Variants in XPO4 observed in about 807,000 individuals in gnomAD.
XPO4 encodes the protein exportin 4.
A neutral mutation model predicts 143.0 loss-of-function variants in XPO4; 39 were observed. The ratio of observed to expected loss-of-function variants is 0.27; its 90% CI spans 0.21 to 0.36. XPO4 has a LOEUF of 0.36. Among genes scored for constraint, XPO4 ranks in the 10% least tolerant of loss-of-function variants. The pLI is 1.00. For missense variants in XPO4, 907 were observed against 1,348.0 expected (o/e 0.67, Z 5.12); for synonymous variants, 439 against 474.0 (o/e 0.93, Z 0.96).
intron 1 of XPO4, among the ~76,000 whole-genome samples, chr13:20,894,041 CA>C (rs2060544591): frequency 6.6e-6 from 1 of 152,066 alleles, no homozygotes; most frequent in African/African-American, 2.4e-5. Context: ...AGGGTTTCTC[CA>C]TGTTGGTCAG....
At chr13:20,815,141 C>T (rs1357876432) in intron 9 of XPO4, among the ~76,000 whole-genome samples, 1 of 152,114 alleles carries the variant, frequency 6.6e-6, no homozygotes. Flanking sequence ...GGCGAAAGAT[C>T]AGTGGTTGCC....
At chr13:20,839,030 G>A (rs576356351) in intron 6 of XPO4, among the ~76,000 whole-genome samples, 3 of 152,260 alleles carry the variant, frequency 2.0e-5, no homozygotes, top group South Asian at 2.1e-4. Context: ...TTGGGAGGTC[G>A]AGGCAGGCAG....
At chr13:20,884,055 C>T (rs1312551043) in intron 1 of XPO4, among the ~76,000 whole-genome samples, 1 of 152,172 alleles carries the variant, frequency 6.6e-6, no homozygotes, top group African/African-American at 2.4e-5. Flanking sequence ...CATGAGCCAC[C>T]ACACCCGGCC....
At chr13:20,787,078 T>C (rs1402085702) in intron 21 of XPO4, 21 bp from the exon 22 acceptor site, 2 of 1,549,616 alleles carry the variant, frequency 1.3e-6, no homozygotes, top group Non-Finnish European at 8.7e-7. Flanking sequence ...ATAAGACTTC[T>C]AAATAAAAAC....
intron 1 of XPO4, among the ~76,000 whole-genome samples, chr13:20,871,580 ACT>A (rs1379559917): frequency 2.6e-5 from 4 of 152,050 alleles, no homozygotes; most frequent in Non-Finnish European, 5.9e-5. Flanking sequence ...GACATTACTG[ACT>A]CTCTGTATGG....
chr13:20,850,192 A>C lies in XPO4; in HGVS notation c.456+5435T>G, dbSNP rs546362446. On this transcript the variant is annotated intron_variant, in intron 4 of 22. Transcript: ENST00000255305. ...CCATACTTAAAATATTGTTTGAGAG[A>C]AAAACACATGATTTATTATAGTTCA... 4.1e-6 allele frequency: 4 copies of C among 985,262 alleles called. No homozygotes were observed. The East Asian group carries it at 3.4e-4, about 84-fold the overall frequency. The allele number at this position is 985,262 out of a possible 1,614,324, so 61.0% of individuals were successfully genotyped here.
intron 1 of XPO4, among the ~76,000 whole-genome samples, chr13:20,885,193 G>A (rs1369600619): frequency 1.3e-5 from 2 of 152,104 alleles, no homozygotes; most frequent in African/African-American, 2.4e-5. Flanking sequence ...CAGGTGATCC[G>A]CCTGCCTTGG....
intron 3 of XPO4, chr13:20,856,451 T>C (rs1367746581): frequency 1.6e-6 from 1 of 629,008 alleles, no homozygotes; most frequent in Non-Finnish European, 2.0e-6. Context: ...TAATTGACTT[T>C]TCACAATCTT....
intron 1 of XPO4, among the ~76,000 whole-genome samples, chr13:20,874,303 G>T (rs977170778): frequency 6.6e-6 from 1 of 152,120 alleles, no homozygotes; most frequent in African/African-American, 2.4e-5. Context: ...AACTAGAAAA[G>T]AACACATGTT....
At chr13:20,820,094 AATT>A (rs927914934) in intron 9 of XPO4, among the ~76,000 whole-genome samples, 3 of 152,234 alleles carry the variant, frequency 2.0e-5, no homozygotes, top group African/African-American at 7.2e-5. Context: ...CTCAATTAAA[AATT>A]AATTAAAAGA....
chr13:20,809,747 T>C (rs1024988383), intron 10 of XPO4, 44 bp downstream of exon 10: 8 of 1,548,016 alleles, frequency 5.2e-6, no homozygotes, highest in Non-Finnish European at 6.1e-6. Context: ...AAATATAGCC[T>C]ATGATGAAAT....
intron 6 of XPO4, among the ~76,000 whole-genome samples, chr13:20,832,389 A>G (rs1362894582): frequency 2.6e-5 from 4 of 152,216 alleles, no homozygotes; most frequent in African/African-American, 9.6e-5. Flanking sequence ...GTGATTGTGA[A>G]TGACACTCAA....
intron 3 of XPO4, among the ~76,000 whole-genome samples, chr13:20,861,774 T>TCC (rs2060201206): frequency 7.4e-6 from 1 of 136,044 alleles, no homozygotes; most frequent in African/African-American, 2.8e-5. Flanking sequence ...TGCACATTTC[T>TCC]CTCTTTTTTT....
intron 2 of XPO4, among the ~76,000 whole-genome samples, chr13:20,863,641 A>G (rs1241830350): frequency 1.3e-5 from 2 of 152,306 alleles, no homozygotes; most frequent in Non-Finnish European, 2.9e-5. Context: ...CAGTTTCCCA[A>G]ACAGCATTAT....
intron 1 of XPO4, among the ~76,000 whole-genome samples, chr13:20,894,948 C>A (rs2147348): frequency 0.37 from 55,701 of 151,544 alleles, 11,629 homozygotes; most frequent in Non-Finnish European, 0.48. Context: ...AAGGCCGAGG[C>A]GAGCGGATCA....
chr13:20,874,034 T>C (rs550573793), intron 1 of XPO4, among the ~76,000 whole-genome samples: 1 of 152,304 alleles, frequency 6.6e-6, no homozygotes, highest in Non-Finnish European at 1.5e-5. Context: ...ATGACAAAGT[T>C]AGTAAGTATC....
At chr13:20,897,353 C>T (rs976880065) in intron 1 of XPO4, among the ~76,000 whole-genome samples, 1 of 152,190 alleles carries the variant, frequency 6.6e-6, no homozygotes, top group African/African-American at 2.4e-5. Context: ...TTCTCTCAGA[C>T]TATATTCCCC....
intron 4 of XPO4, among the ~76,000 whole-genome samples, chr13:20,855,072 T>C (rs1459230509): frequency 6.6e-6 from 1 of 152,182 alleles, no homozygotes; most frequent in Non-Finnish European, 1.5e-5. Context: ...ACAATTAAAA[T>C]AATGATTATG....
intron 3 of XPO4, among the ~76,000 whole-genome samples, chr13:20,860,398 T>G (rs1473068699): frequency 6.6e-6 from 1 of 152,182 alleles, no homozygotes; most frequent in African/African-American, 2.4e-5. Context: ...AAGCACACTA[T>G]CATAATTGAT....
Sources: allele counts gnomAD v4.1 joint callset (sites outside exome capture counted in the v4.1 genomes callset), GRCh38; gene constraint gnomAD v4.1.1; transcripts MANE v1.5; gene names NCBI Gene and HGNC (gene_info 2026-07-23, HGNC 2026-07-21).